The following ANKRD16 variants were observed in gnomAD, a reference collection of about 807,000 sequenced individuals.
ANKRD16 encodes ankyrin repeat domain-containing protein 16.
In ANKRD16, 35 loss-of-function variants were observed where a neutral mutation model predicts 37.9. The ratio of observed to expected loss-of-function variants is 0.92; its 90% CI spans 0.71 to 1.23. The LOEUF (loss-of-function observed/expected upper bound fraction) is 1.23, where lower values mean the gene tolerates loss of function less well. ANKRD16 is among the 50% of genes most tolerant of loss of function. The pLI is 0.00. For synonymous variants in ANKRD16, 206 were observed against 197.2 expected, an observed-to-expected ratio of 1.04 and a Z score of -0.37; for missense variants, 480 against 469.9, an observed-to-expected ratio of 1.02 and a Z score of -0.20.
At chr10:5,884,468 C>G (rs778606753) in intron 3 of ANKRD16, among the ~76,000 whole-genome samples, 1 of 152,152 alleles carries the variant, frequency 6.6e-6, no homozygotes, top group East Asian at 1.9e-4. Flanking sequence ...CAGTGGCTCA[C>G]GACTGTAATC....
chr10:5,880,277 A>G (rs1842273220), intron 6 of ANKRD16, 21 bp downstream of exon 6: 1 of 1,421,454 alleles, frequency 7.0e-7, no homozygotes, highest in African/African-American at 1.4e-5. Context: ...TTTCCAAGGC[A>G]TATATAAAAT....
At position 5,864,092 on chromosome 10, in the gene ANKRD16, T is replaced by C. The variant is rs1841980962; in HGVS notation, c.*34-1401A>G. Among the ~76,000 whole-genome samples, 1 of 152,146 alleles carries C rather than the reference T, an allele frequency of 6.6e-6. No homozygotes were observed. On this transcript the variant is annotated intron_variant, in intron 7 of 7. Coordinates refer to ENST00000380094, the MANE Select transcript of ANKRD16 (RefSeq NM_019046.3). The surrounding 1 kb of genome is among the most constrained non-coding windows in gnomAD (Gnocchi z 4.4). The stretch of plus-strand genomic sequence containing the variant: ...CTGAGGGAAGTATAAATTACAATAC[T>C]ATCCTGCAGCTTGACCTTTTCTGTA...
At chr10:5,888,634 G>A (rs1842502468) in intron 1 of ANKRD16, among the ~76,000 whole-genome samples, 1 of 152,262 alleles carries the variant, frequency 6.6e-6, no homozygotes. Context: ...GTATAACTCA[G>A]GAATTCTGGA....
rs535150022 is a variant in ANKRD16 at position 5,863,816 on chromosome 10, A to T, written c.*34-1125T>A. Among the ~76,000 whole-genome samples the T allele has an allele frequency of 1.4e-4, 21 of 152,270 alleles. No homozygotes were observed. Among genetic ancestry groups the T allele is most frequent in the African/African-American group, 4.8e-4 (20 of 41,526 alleles). On this transcript the variant is annotated intron_variant, in intron 7 of 7. Coordinates refer to ENST00000380094, the MANE Select transcript of ANKRD16 (RefSeq NM_019046.3). The surrounding 1 kb of genome is among the most constrained non-coding windows in gnomAD (Gnocchi z 4.7). ...TGGATGCACCATCTTTAAGACTGTA[A>T]CACTCACTGCGAGGTCCACGGCTTC...
Position 5,862,569 on chromosome 10 carries a change from A to T in ANKRD16, c.*156T>A, listed in dbSNP as rs1378593283. 17 of 1,283,604 alleles carry T rather than the reference A, an allele frequency of 1.3e-5. No homozygotes were observed. The highest frequency in any genetic ancestry group is 1.7e-5 in the Non-Finnish European group (17 of 984,914). The allele number at this position is 1,283,604 out of a possible 1,614,324, so 79.5% of individuals were successfully genotyped here. A position where few individuals can be genotyped will look rare whatever the true frequency, so the allele number is the denominator to read the frequency against. Reference sequence around the variant, plus strand: ...GGTACACCTCAGATATACAACTTTGATCTCGCTGGGGTCAAACGTAGGTGG... The same window carrying T: ...GGTACACCTCAGATATACAACTTTGTTCTCGCTGGGGTCAAACGTAGGTGG... On this transcript the variant is annotated 3_prime_UTR_variant, in exon 8 of 8. Coordinates refer to ENST00000380094, the MANE Select transcript of ANKRD16 (RefSeq NM_019046.3). The surrounding 1 kb of genome is among the most constrained non-coding windows in gnomAD (Gnocchi z 6.5).
intron 7 of ANKRD16, among the ~76,000 whole-genome samples, chr10:5,867,188 C>T (rs1842028045): frequency 6.6e-6 from 1 of 152,240 alleles, no homozygotes; most frequent in South Asian, 2.1e-4. Context: ...AACCCATAGC[C>T]TTCCTATCAA....
intron 7 of ANKRD16, among the ~76,000 whole-genome samples, chr10:5,876,486 C>T (rs977537614): frequency 4.6e-5 from 7 of 152,192 alleles, no homozygotes; most frequent in South Asian, 2.1e-4. Context: ...AGCCGCACAA[C>T]AGGACCATCT....
intron 7 of ANKRD16, among the ~76,000 whole-genome samples, chr10:5,876,794 CTGATGCATACAATGATTAAAAA>C (rs1842193409): frequency 6.6e-6 from 1 of 152,034 alleles, no homozygotes; most frequent in African/African-American, 2.4e-5. Context: ...TTGCTTGTGA[CTGATGCATACAATGATTAAAAA>C]GCCTGATCTA....
intron 7 of ANKRD16, among the ~76,000 whole-genome samples, chr10:5,872,758 G>GT (rs1364999220): frequency 6.6e-6 from 1 of 151,732 alleles, no homozygotes; most frequent in Admixed American, 6.6e-5. Flanking sequence ...GGATTTCACC[G>GT]TGTTAGCCAA....
chr10:5,887,601 C>T (rs1392421372), intron 2 of ANKRD16, among the ~76,000 whole-genome samples: 4 of 152,196 alleles, frequency 2.6e-5, no homozygotes, highest in Admixed American at 2.0e-4. Flanking sequence ...CCAGGCTGGT[C>T]TTGAACGCCT....
At chr10:5,867,737 G>C (rs1037118332) in intron 7 of ANKRD16, among the ~76,000 whole-genome samples, 3 of 152,090 alleles carry the variant, frequency 2.0e-5, no homozygotes, top group African/African-American at 7.2e-5. Context: ...TACAGGAACC[G>C]GAATAGCCAG....
chr10:5,887,402 T>C (rs1360219565), intron 2 of ANKRD16, among the ~76,000 whole-genome samples: 2 of 151,912 alleles, frequency 1.3e-5, no homozygotes, highest in East Asian at 1.9e-4. Flanking sequence ...GATGGAGTTT[T>C]GCTCTTGTTG....
intron 7 of ANKRD16, among the ~76,000 whole-genome samples, chr10:5,875,882 T>TTTTTG (rs1369049086): frequency 7.5e-6 from 1 of 133,950 alleles, no homozygotes; most frequent in South Asian, 2.5e-4. Context: ...CAGGCTAATT[T>TTTTTG]TTTTGTTTTG....
intron 6 of ANKRD16, 120 bp downstream of exon 6, chr10:5,880,172 CACTAAA>C (rs1564417357): frequency 2.7e-6 from 1 of 374,352 alleles, no homozygotes; most frequent in Admixed American, 8.1e-5. Context: ...ACACCACCAC[CACTAAA>C]AAAAAAAAAA....
rs1394417976 is a variant in ANKRD16, at chr10:5,870,989, A to G, written c.*33+7108T>C. On this transcript the variant is annotated intron_variant, in intron 7 of 7. Coordinates refer to ENST00000380094, the MANE Select transcript of ANKRD16 (RefSeq NM_019046.3). The surrounding 1 kb of genome is among the most constrained non-coding windows in gnomAD (Gnocchi z 5.0). ...ATGGTAGGAGGAGGCAGGTTCTGCA[A>G]ATGCTGCAGGGTGGGTTAATCACAC... Among the ~76,000 whole-genome samples, 1 of 152,178 alleles carries G rather than the reference A, an allele frequency of 6.6e-6. No homozygotes were observed.
chr10:5,882,948 T>C, intron 5 of ANKRD16, 58 bp downstream of exon 5: 1 of 1,575,372 alleles, frequency 6.3e-7, no homozygotes, highest in South Asian at 1.1e-5. Context: ...GAGCTACTGA[T>C]CAAAGAAGTA....
chr10:5,864,705 G>A lies in ANKRD16; in HGVS notation c.*34-2014C>T, dbSNP rs189053111. Among the ~76,000 whole-genome samples, 205 of 152,280 alleles carry A rather than the reference G, an allele frequency of 1.3e-3. No individual in the cohort carries two copies. The highest frequency in any genetic ancestry group is 2.5e-3 in the Non-Finnish European group (173 of 68,030). ...TGGTCAGCAAGCCGTCCCCATTATGGATCTCCAGTGGGACCTCAACTCAGA... is the reference window on the plus strand; with the variant it reads ...TGGTCAGCAAGCCGTCCCCATTATGAATCTCCAGTGGGACCTCAACTCAGA... On this transcript the variant is annotated intron_variant, in intron 7 of 7. Transcript: ENST00000380094. This position sits in a 1 kb window ranked among gnomAD's most constrained non-coding sequence, Gnocchi z 4.4.
Position 5,878,443 on chromosome 10 carries a change from T to C in ANKRD16, c.929-156A>G, listed in dbSNP as rs139884888. On this transcript the variant is annotated intron_variant, in intron 6 of 7. Transcript: ENST00000380094. This position sits in a 1 kb window ranked among gnomAD's most constrained non-coding sequence, Gnocchi z 5.1. ...CCTATACTAGATCAAAATATTTTTG[T>C]TTCTAACCTGATTGGGTTGAAAATA... is the stretch of plus-strand genomic sequence containing the variant. 6.6e-6 allele frequency among the ~76,000 whole-genome samples: 1 copy of C among 152,072 alleles called. No homozygotes were observed. Among genetic ancestry groups the C allele is most frequent in the Non-Finnish European group, 1.5e-5 (1 of 68,016 alleles).
intron 6 of ANKRD16, among the ~76,000 whole-genome samples, chr10:5,880,036 G>A (rs1031430088): frequency 6.6e-6 from 1 of 151,956 alleles, no homozygotes; most frequent in African/African-American, 2.4e-5. Context: ...GTGCATGCCT[G>A]TAATTCCAGC....
Sources: gnomAD v4.1 joint callset for allele counts (sites outside exome capture counted in the v4.1 genomes callset) on GRCh38, gnomAD v4.1.1 for gene constraint, Gnocchi (gnomAD v3.1) non-coding constraint, MANE v1.5 for transcripts, NCBI Gene and HGNC (gene_info 2026-07-23, HGNC 2026-07-21) for gene names.